Variants in HEATR4 observed in about 807,000 individuals in gnomAD.
The protein encoded by HEATR4 is HEAT repeat containing 4, also known as HEAT repeat-containing protein 4.
HEATR4 carries 95 observed loss-of-function variants against 108.8 expected under a neutral mutation model. The observed-to-expected ratio is 0.87, with a 90% CI of 0.74 to 1.04. The LOEUF (loss-of-function observed/expected upper bound fraction) is 1.04, where lower values mean the gene tolerates loss of function less well. HEATR4 is among the 50% of genes least tolerant of loss of function. The probability of loss-of-function intolerance (pLI) is 0.00; values close to 1 mark genes in which losing one functional copy is unlikely to be tolerated. For missense variants in HEATR4, 1,152 were observed against 1,253.8 expected (o/e 0.92, Z 1.23); for synonymous variants, 443 against 459.4 (o/e 0.96, Z 0.46).
the HEATR4 span, among the ~76,000 whole-genome samples, chr14:73,585,712 A>T: frequency 6.6e-6 from 1 of 151,262 alleles, no homozygotes; most frequent in African/African-American, 2.4e-5. Context: ...ATAAAAAAGT[A>T]CTATCACATT....
the HEATR4 span, among the ~76,000 whole-genome samples, chr14:73,632,917 ATTG>A: frequency 6.6e-6 from 1 of 151,218 alleles, no homozygotes; most frequent in Non-Finnish European, 1.5e-5. Flanking sequence ...AAAAATATAC[ATTG>A]TTAACACTTG....
chr14:73,490,924 C>T, intron 17 of HEATR4: 1 of 1,250,750 alleles, frequency 8.0e-7, no homozygotes, highest in Non-Finnish European at 1.0e-6. Context: ...GAGGCCGCGC[C>T]CCCTTCCCAG....
In HEATR4 at chr14:73,523,218, C is replaced by G. The variant is rs1388322285; in HGVS notation, c.-66G>C. On this transcript the variant is annotated 5_prime_UTR_variant, in exon 3 of 18. Coordinates refer to ENST00000553558, the MANE Select transcript of HEATR4 (RefSeq NM_001220484.1). ...TAGAGGAAAGGCCTGGAGATGAGAC[C>G]TGGCACCTGTTAAGGGAATGGGAGG... 1.4e-6 allele frequency: 2 copies of G among 1,452,744 alleles called. No individual in the cohort carries two copies. Among genetic ancestry groups the G allele is most frequent in the Admixed American group, 2.3e-5 (1 of 44,400 alleles). 90.0% of individuals were successfully genotyped at this position (1,452,744 alleles called of 1,614,324 possible). A position where few individuals can be genotyped will look rare whatever the true frequency, so the allele number is the denominator to read the frequency against.
the HEATR4 span, among the ~76,000 whole-genome samples, chr14:73,567,251 G>A: frequency 6.6e-6 from 1 of 152,098 alleles, no homozygotes; most frequent in Non-Finnish European, 1.5e-5. Context: ...CTTTCTAGCT[G>A]TGTGATCTTC....
chr14:73,582,972 C>T, the HEATR4 span: 1 of 151,796 alleles, frequency 6.6e-6, no homozygotes, highest in African/African-American at 2.4e-5. Context: ...TGACAAAAAC[C>T]GAGCTGTCAT....
At chr14:73,607,081 G>T in the HEATR4 span, among the ~76,000 whole-genome samples, 1 of 152,200 alleles carries the variant, frequency 6.6e-6, no homozygotes, top group Non-Finnish European at 1.5e-5. Context: ...GGAGGCCGAG[G>T]TGGGTGGATC....
chr14:73,579,435 C>T, the HEATR4 span, among the ~76,000 whole-genome samples: 3 of 138,888 alleles, frequency 2.2e-5, no homozygotes, highest in South Asian at 2.3e-4. Context: ...ATTAGCCGAG[C>T]GTGGTGCTGG....
At chr14:73,488,928 A>C (rs1352759305) in intron 17 of HEATR4, among the ~76,000 whole-genome samples, 1 of 149,190 alleles carries the variant, frequency 6.7e-6, no homozygotes, top group Non-Finnish European at 1.5e-5. Context: ...AGGCTGAGGC[A>C]GGAGAATCGC....
the HEATR4 span, among the ~76,000 whole-genome samples, chr14:73,602,594 A>T: frequency 1.3e-5 from 2 of 152,046 alleles, no homozygotes; most frequent in Non-Finnish European, 2.9e-5. Flanking sequence ...TCTTCCAAAC[A>T]TATTCTTTTG....
At chr14:73,615,434 C>T in the HEATR4 span, among the ~76,000 whole-genome samples, 2 of 105,116 alleles carry the variant, frequency 1.9e-5, no homozygotes, top group South Asian at 3.3e-4. Flanking sequence ...CCAGCAACAA[C>T]GAAAAAAAAA....
chr14:73,501,696 T>G (rs961842421), intron 11 of HEATR4, among the ~76,000 whole-genome samples: 1 of 148,932 alleles, frequency 6.7e-6, no homozygotes, highest in African/African-American at 2.5e-5. Context: ...TGCCTCAGCC[T>G]CCCAAGTAGC....
At chr14:73,491,223 A>G in intron 17 of HEATR4, 1 of 1,592,538 alleles carries the variant, frequency 6.3e-7, no homozygotes, top group Non-Finnish European at 8.6e-7. Flanking sequence ...TCGAGGGTGG[A>G]GTCGACGGCC....
At chr14:73,500,520 G>T (rs774050686) in intron 12 of HEATR4, 30 bp downstream of exon 12, 1 of 1,603,288 alleles carries the variant, frequency 6.2e-7, no homozygotes, top group South Asian at 1.1e-5. Flanking sequence ...GGTCAATCAG[G>T]TAAGATGAGA....
At chr14:73,490,809 G>C (rs1266307037) in intron 17 of HEATR4, among the ~76,000 whole-genome samples, 1 of 150,630 alleles carries the variant, frequency 6.6e-6, no homozygotes, top group African/African-American at 2.4e-5. Flanking sequence ...TGTTTGGCAA[G>C]GGTTCTTGCC....
the HEATR4 span, chr14:73,612,757 G>T: frequency 5.1e-6 from 7 of 1,372,586 alleles, no homozygotes; most frequent in Non-Finnish European, 5.6e-6. Context: ...AGCTGGACCT[G>T]GAGCGCGCGC....
the HEATR4 span, among the ~76,000 whole-genome samples, chr14:73,605,336 C>G: frequency 6.6e-6 from 1 of 152,302 alleles, no homozygotes; most frequent in African/African-American, 2.4e-5. Flanking sequence ...ACTTAACCGA[C>G]TCCACCTTGC....
In HEATR4 at chr14:73,534,775, T is replaced by G. The variant is rs1238502891; in HGVS notation, c.-151-4531A>C. Among the ~76,000 whole-genome samples, 4 of 112,548 alleles carry G rather than the reference T, an allele frequency of 3.6e-5. 1 individual carries two copies. The highest frequency in any genetic ancestry group is 5.8e-5 in the Non-Finnish European group (3 of 52,072). 73.8% of individuals were successfully genotyped at this position (112,548 alleles called of 152,430 possible). On this transcript the variant is annotated intron_variant, in intron 1 of 17. Coordinates refer to ENST00000553558, the MANE Select transcript of HEATR4 (RefSeq NM_001220484.1). ...ACAGTTTGAAATAGTTAGATGTGTG[T>G]TTTTTTTAATTTTCATGTCTTATCT...
intron 2 of HEATR4, among the ~76,000 whole-genome samples, chr14:73,525,105 C>G (rs1211240051): frequency 6.6e-6 from 1 of 152,184 alleles, no homozygotes; most frequent in Non-Finnish European, 1.5e-5. Flanking sequence ...TCATAGCTCA[C>G]TGCAGCCTCA....
intron 1 of HEATR4, among the ~76,000 whole-genome samples, chr14:73,542,364 G>T (rs1889115175): frequency 9.7e-6 from 1 of 103,470 alleles, no homozygotes; most frequent in South Asian, 3.1e-4. Flanking sequence ...ATTTGTAGTT[G>T]GTATTATGCA....
Sources: allele counts gnomAD v4.1 joint callset (sites outside exome capture counted in the v4.1 genomes callset), GRCh38; gene constraint gnomAD v4.1.1; transcripts MANE v1.5; gene names NCBI Gene and HGNC (gene_info 2026-07-23, HGNC 2026-07-21).